The following DLGAP2 variants were observed in gnomAD, a reference collection of about 807,000 sequenced individuals.
The protein encoded by DLGAP2 is disks large-associated protein 2.
In DLGAP2, 26 loss-of-function variants were observed where a neutral mutation model predicts 100.3. The ratio of observed to expected loss-of-function variants is 0.26; its 90% CI spans 0.19 to 0.36. The LOEUF (loss-of-function observed/expected upper bound fraction) is 0.36. Ranked by LOEUF, DLGAP2 falls within the 10% of genes least tolerant of loss-of-function variation. The probability of loss-of-function intolerance (pLI) is 1.00; values close to 1 mark genes in which losing one functional copy is unlikely to be tolerated. For synonymous variants in DLGAP2, 886 were observed against 630.1 expected (o/e 1.41, Z -6.08); for missense variants, 1,858 against 1,453.2 (o/e 1.28, Z -4.53).
At chr8:1,296,849 C>T (rs115538186) in intron 3 of DLGAP2, among the ~76,000 whole-genome samples, 2,718 of 152,242 alleles carry the variant, frequency 0.018, 71 homozygotes, top group African/African-American at 0.062. Flanking sequence ...GACAGTGCTG[C>T]GGAGGGGATG....
intron 2 of DLGAP2, among the ~76,000 whole-genome samples, chr8:1,198,273 T>A (rs7007815): frequency 2.0e-5 from 3 of 152,098 alleles, no homozygotes; most frequent in African/African-American, 7.2e-5. Context: ...AAAGGGACTT[T>A]TGTAAGCTTC....
intron 1 of DLGAP2, among the ~76,000 whole-genome samples, chr8:753,090 G>A (rs796508793): frequency 6.6e-6 from 1 of 152,218 alleles, no homozygotes; most frequent in Non-Finnish European, 1.5e-5. Context: ...TTGCAAACCT[G>A]CAACCAGAGG....
chr8:1,535,430 G>A (rs905049222), intron 4 of DLGAP2, among the ~76,000 whole-genome samples: 1 of 152,204 alleles, frequency 6.6e-6, no homozygotes, highest in Non-Finnish European at 1.5e-5. Context: ...GGTCAGGAAC[G>A]ATGGCCAAGA....
chr8:1,684,035 G>T (rs573222034), intron 12 of DLGAP2, among the ~76,000 whole-genome samples: 1 of 143,352 alleles, frequency 7.0e-6, no homozygotes, highest in Admixed American at 7.1e-5. Context: ...AGGCTGGAGC[G>T]CAGTGGCGCG....
chr8:1,531,529 T>G (rs920666970), intron 4 of DLGAP2, among the ~76,000 whole-genome samples: 2 of 152,180 alleles, frequency 1.3e-5, no homozygotes, highest in Admixed American at 6.5e-5. Flanking sequence ...GAAGGAAATG[T>G]TTTCTTATTT....
chr8:988,301 C>T (rs1171342049), intron 2 of DLGAP2, among the ~76,000 whole-genome samples: 1 of 152,168 alleles, frequency 6.6e-6, no homozygotes, highest in East Asian at 1.9e-4. Flanking sequence ...ATTTTAGCTT[C>T]AGGGTCACTG....
At chr8:812,818 A>G (rs184263492) in intron 1 of DLGAP2, among the ~76,000 whole-genome samples, 54 of 152,354 alleles carry the variant, frequency 3.5e-4, no homozygotes, top group African/African-American at 1.2e-3. Context: ...GCTTTGGAGC[A>G]TGGGAGCAGC....
At chr8:1,326,645 G>T (rs575679760) in intron 3 of DLGAP2, among the ~76,000 whole-genome samples, 1 of 152,068 alleles carries the variant, frequency 6.6e-6, no homozygotes, top group African/African-American at 2.4e-5. Flanking sequence ...AGGACACGGC[G>T]AGCTCTTAGT....
intron 3 of DLGAP2, among the ~76,000 whole-genome samples, chr8:1,309,780 T>C (rs4876094): frequency 0.67 from 101,732 of 152,208 alleles, 35,152 homozygotes; most frequent in African/African-American, 0.85. Flanking sequence ...TATGTTACCG[T>C]GCACTCAATG....
At chr8:1,689,797 C>T (rs73672932) in intron 12 of DLGAP2, among the ~76,000 whole-genome samples, 24,481 of 152,176 alleles carry the variant, frequency 0.16, 2,064 homozygotes, top group South Asian at 0.27. Context: ...ATGCGTAGAT[C>T]ATCTGCCCCC....
rs192663696 is a variant in DLGAP2, at chr8:1,542,267, C to T, written c.173-6359C>T. 3.3e-4 allele frequency among the ~76,000 whole-genome samples: 50 copies of T among 152,296 alleles called. 1 individual carries two copies. The highest frequency in any genetic ancestry group is 1.7e-3 in the Admixed American group (26 of 15,300). ...GCTTTATGGGGATATAAGTCACACA[C>T]CATAAAAGTCACGCTTTAGGATGTA... On this transcript the variant is annotated intron_variant, in intron 4 of 14. Coordinates refer to ENST00000637795, the MANE Select transcript of DLGAP2 (RefSeq NM_001346810.2).
At chr8:1,414,453 T>G (rs909234723) in intron 3 of DLGAP2, among the ~76,000 whole-genome samples, 7 of 152,186 alleles carry the variant, frequency 4.6e-5, no homozygotes, top group Admixed American at 4.6e-4. Flanking sequence ...GCAAGAGGCA[T>G]GGGGACATGA....
chr8:825,586 A>G (rs913922164), intron 1 of DLGAP2, among the ~76,000 whole-genome samples: 3 of 152,006 alleles, frequency 2.0e-5, no homozygotes, highest in Non-Finnish European at 2.9e-5. Context: ...CTCATTCCAG[A>G]TGTTGCTAAT....
intron 2 of DLGAP2, among the ~76,000 whole-genome samples, chr8:973,328 C>A: frequency 6.6e-6 from 1 of 151,770 alleles, no homozygotes; most frequent in African/African-American, 2.4e-5. Flanking sequence ...GGGCGGCTGC[C>A]GGGCGGAGAC....
At position 1,417,638 on chromosome 8, in the gene DLGAP2, G is replaced by GCCAC. The variant is rs1563134099; in HGVS notation, c.107-83728_107-83727insCCAC. ...TTCACTGCGTGGCCGCCTCCAGGGG[G>GCCAC]GCACGGGGAGCCCCACTCCTGCCTC... On this transcript the variant is annotated intron_variant, in intron 3 of 14. Coordinates refer to ENST00000637795, the MANE Select transcript of DLGAP2 (RefSeq NM_001346810.2). Among the ~76,000 whole-genome samples, 42 of 148,472 alleles carry GCCAC rather than the reference G, an allele frequency of 2.8e-4. 1 individual carries two copies. Among genetic ancestry groups the GCCAC allele is most frequent in the Admixed American group, 4.0e-4 (6 of 14,876 alleles).
At chr8:1,101,967 A>G (rs753053268) in intron 2 of DLGAP2, among the ~76,000 whole-genome samples, 6 of 152,142 alleles carry the variant, frequency 3.9e-5, no homozygotes, top group Non-Finnish European at 7.3e-5. Flanking sequence ...TGGATTTTAT[A>G]TTATGTTTAT....
chr8:1,324,883 T>C (rs1192470637), intron 3 of DLGAP2, among the ~76,000 whole-genome samples: 1 of 152,162 alleles, frequency 6.6e-6, no homozygotes, highest in African/African-American at 2.4e-5. Flanking sequence ...AGCACAAGAA[T>C]AAAGGAAGAC....
chr8:759,671 G>T (rs1821028919), intron 1 of DLGAP2, among the ~76,000 whole-genome samples: 1 of 152,164 alleles, frequency 6.6e-6, no homozygotes, highest in Non-Finnish European at 1.5e-5. Flanking sequence ...CCCCAGGGCG[G>T]TTTCCCCATG....
chr8:882,522 C>G (rs566942098), intron 1 of DLGAP2, among the ~76,000 whole-genome samples: 1 of 92,294 alleles, frequency 1.1e-5, no homozygotes, highest in African/African-American at 4.3e-5. Flanking sequence ...CTCCCCTGCG[C>G]GCACCCTCGC....
Sources: gnomAD v4.1 joint callset for allele counts (sites outside exome capture counted in the v4.1 genomes callset) on GRCh38, gnomAD v4.1.1 for gene constraint, MANE v1.5 for transcripts, NCBI Gene and HGNC (gene_info 2026-07-23, HGNC 2026-07-21) for gene names.